Variants in SAP30BP observed in about 807,000 individuals in gnomAD.
SAP30BP encodes the protein SAP30-binding protein.
Under a neutral mutation model 46.3 loss-of-function variants are expected in SAP30BP, and 31 were observed. That is an observed-to-expected ratio of 0.67 (90% CI 0.50 to 0.90). The LOEUF is 0.90. Ranked by LOEUF, SAP30BP falls within the 40% of genes least tolerant of loss-of-function variation. SAP30BP has a pLI of 0.00. For missense variants in SAP30BP, 312 were observed against 391.0 expected (o/e 0.80, Z 1.70); for synonymous variants, 169 against 144.2 (o/e 1.17, Z -1.23).
Position 75,667,432 on chromosome 17 carries a change from C to T in SAP30BP, c.60C>T (p.Pro20=), listed in dbSNP as rs920414303. The change falls in exon 1 of 11, where the codon CCC becomes CCT. Residue 20 remains proline (P), a synonymous_variant. Coordinates refer to ENST00000584667, the MANE Select transcript of SAP30BP (RefSeq NM_013260.8). ...SLAVYAEDSE[P]ESDGEAGIEA... ...CAGTTTACGCGGAAGATTCAGAGCC[C>T]GAGTCTGATGGCGAGGCTGGAATCG... The T allele has an allele frequency of 1.2e-6, 2 of 1,614,112 alleles. No individual in the cohort carries two copies. Among genetic ancestry groups the T allele is most frequent in the Admixed American group, 1.7e-5 (1 of 60,012 alleles).
At chr17:75,691,397 C>T (rs1260620231) in intron 3 of SAP30BP, 23 of 456,098 alleles carry the variant, frequency 5.0e-5, no homozygotes, top group Admixed American at 1.2e-4. Context: ...CTTCCAGAGA[C>T]GTGACTCAAC....
chr17:75,672,770 A>G (rs532904571), intron 3 of SAP30BP, among the ~76,000 whole-genome samples: 57 of 152,242 alleles, frequency 3.7e-4, no homozygotes, highest in African/African-American at 1.1e-3. Context: ...CAGCCTGGCC[A>G]GTATGGTGAA....
At chr17:75,697,853 A>G (rs1267787655) in intron 4 of SAP30BP, among the ~76,000 whole-genome samples, 1 of 152,328 alleles carries the variant, frequency 6.6e-6, no homozygotes, top group Admixed American at 6.5e-5. Context: ...CACCTTGTCT[A>G]CTAAGCAAAC....
intron 9 of SAP30BP, chr17:75,705,583 C>T: frequency 1.2e-5 from 12 of 1,021,680 alleles, no homozygotes; most frequent in Non-Finnish European, 1.4e-5. Context: ...TCCCTTCTCT[C>T]TCTTTCCCTC....
chr17:75,693,411 ACCT>A lies in SAP30BP; in HGVS notation c.265-24_265-22del, dbSNP rs748059949. On this transcript the variant is annotated intron_variant, in intron 3 of 10. Transcript: ENST00000584667. Reference sequence around the variant, plus strand: ...TAGCTGGTTCAGGAGCCCCAGTCTTACCTCCTCGTATTTGTTTGTCTTTTGCAG... The same window carrying A: ...TAGCTGGTTCAGGAGCCCCAGTCTTACCTCGTATTTGTTTGTCTTTTGCAG... 6.8e-6 allele frequency: 11 copies of A among 1,605,992 alleles called. No homozygotes were observed. The South Asian group carries it at 1.2e-4, about 18-fold the overall frequency.
At chr17:75,672,002 C>T in intron 3 of SAP30BP, 139 bp downstream of exon 3, 1 of 750,176 alleles carries the variant, frequency 1.3e-6, no homozygotes, top group Non-Finnish European at 2.4e-6. Context: ...ATAAAATAAG[C>T]TTTATAAAGA....
intron 2 of SAP30BP, among the ~76,000 whole-genome samples, chr17:75,669,295 G>A (rs964957863): frequency 3.9e-5 from 6 of 152,032 alleles, no homozygotes; most frequent in African/African-American, 1.2e-4. Context: ...CCATGCTGGA[G>A]TGCAGTGGTG....
intron 3 of SAP30BP, 119 bp downstream of exon 3, chr17:75,671,982 A>G (rs997520097): frequency 2.4e-6 from 2 of 828,156 alleles, no homozygotes; most frequent in East Asian, 2.4e-5. Context: ...CTGTGTGGAC[A>G]TTTTCTGGGA....
At position 75,707,328 on chromosome 17, in the gene SAP30BP, C is replaced by T. The variant is rs549072122; in HGVS notation, c.*807C>T. On this transcript the variant is annotated 3_prime_UTR_variant, in exon 11 of 11. Transcript: ENST00000584667. ...GGCAAGCCCTGCTCCTGGGAGGGCTCCTGCCACCCCACCCTTCCTCTGTGT... is the reference window on the plus strand; with the variant it reads ...GGCAAGCCCTGCTCCTGGGAGGGCTTCTGCCACCCCACCCTTCCTCTGTGT... 2 of 152,760 alleles carry T rather than the reference C, an allele frequency of 1.3e-5. No homozygotes were observed. The highest frequency in any genetic ancestry group is 4.8e-5 in the African/African-American group (2 of 41,582). 9.5% of individuals were successfully genotyped at this position (152,760 alleles called of 1,614,324 possible).
rs1481120680 is a variant in SAP30BP, at chr17:75,703,862, A to G, written c.601+3A>G. 6.2e-7 allele frequency: 1 copy of G among 1,609,370 alleles called. No homozygotes were observed. The highest frequency in any genetic ancestry group is 1.3e-5 in the African/African-American group (1 of 74,936). ...GGACTCCTACTATGAGGCATTAGGT[A>G]GCCTTTCGTCCCTCCTCCCATATAC... On this transcript the variant is annotated splice_donor_region_variant and intron_variant, in intron 8 of 10. Transcript: ENST00000584667.
At chr17:75,674,697 G>GTTTTTTTTTTTT (rs66721865) in intron 3 of SAP30BP, among the ~76,000 whole-genome samples, 785 of 61,470 alleles carry the variant, frequency 0.013, 66 homozygotes, top group East Asian at 0.018. Flanking sequence ...TTTGTTTTTT[G>GTTTTTTTTTTTT]TTTTTTTTTT....
intron 8 of SAP30BP, 99 bp from the exon 9 acceptor site, chr17:75,704,657 C>T: frequency 1.1e-6 from 1 of 898,894 alleles, no homozygotes; most frequent in Admixed American, 1.7e-5. Flanking sequence ...CCCATGAAGG[C>T]CTTTAGCCCG....
At chr17:75,678,991 G>T (rs889764833) in intron 3 of SAP30BP, among the ~76,000 whole-genome samples, 8 of 134,448 alleles carry the variant, frequency 6.0e-5, no homozygotes, top group African/African-American at 1.9e-4. Flanking sequence ...TTTCAGGCAA[G>T]TTTTTTTTTT....
rs2060516632 is a variant in SAP30BP, at chr17:75,707,540, G to A, written c.*1019G>A. ...AGGAAGCCAGGCTGTGAAGGGCCGT[G>A]TTGCTTTCAGTGGGTGGGCAGAGGT... On this transcript the variant is annotated 3_prime_UTR_variant, in exon 11 of 11. Transcript: ENST00000584667. 3 of 152,816 alleles carry A rather than the reference G, an allele frequency of 2.0e-5. No homozygotes were observed. Among genetic ancestry groups the A allele is most frequent in the Admixed American group, 2.0e-4 (3 of 15,288 alleles). 9.5% of individuals were successfully genotyped at this position (152,816 alleles called of 1,614,324 possible).
intron 5 of SAP30BP, 86 bp downstream of exon 5, chr17:75,699,957 T>C (rs1194793692): frequency 1.0e-6 from 1 of 991,718 alleles, no homozygotes; most frequent in South Asian, 1.4e-5. Context: ...TAAGAGACCA[T>C]GGCAGGGAAA....
intron 3 of SAP30BP, chr17:75,692,239 A>C (rs937021594): frequency 1.0e-6 from 1 of 985,494 alleles, no homozygotes; most frequent in African/African-American, 1.7e-5. Context: ...CAGTGTGGGG[A>C]ACTGGGTGGC....
chr17:75,679,118 C>T (rs547167077), intron 3 of SAP30BP, among the ~76,000 whole-genome samples: 2 of 151,830 alleles, frequency 1.3e-5, no homozygotes, highest in South Asian at 2.1e-4. Context: ...CTCAGCCTCC[C>T]GAGTAGTACC....
intron 3 of SAP30BP, among the ~76,000 whole-genome samples, chr17:75,677,503 G>A (rs569863941): frequency 6.9e-6 from 1 of 145,332 alleles, no homozygotes; most frequent in African/African-American, 2.6e-5. Context: ...CGCAATCTCA[G>A]CTCACTGCAG....
chr17:75,704,995 G>A (rs375390767), intron 9 of SAP30BP, 181 bp downstream of exon 9: 13 of 593,946 alleles, frequency 2.2e-5, no homozygotes, highest in Admixed American at 2.8e-5. Flanking sequence ...CACGGCGCTC[G>A]TCTGCTGCTT....
Sources: gnomAD v4.1 joint callset for allele counts (sites outside exome capture counted in the v4.1 genomes callset) on GRCh38, gnomAD v4.1.1 for gene constraint, MANE v1.5 for transcripts, NCBI Gene and HGNC (gene_info 2026-07-23, HGNC 2026-07-21) for gene names.